The following OTUD7A variants were observed in gnomAD, a reference collection of about 807,000 sequenced individuals.
OTUD7A encodes the protein OTU deubiquitinase 7A.
In OTUD7A, 12 loss-of-function variants were observed where a neutral mutation model predicts 65.7. That is an observed-to-expected ratio of 0.18 (90% CI 0.12 to 0.30). The LOEUF is 0.30. OTUD7A is among the 10% of genes least tolerant of loss of function. OTUD7A has a pLI of 1.00. For missense variants in OTUD7A, 1,148 were observed against 1,304.8 expected (o/e 0.88, Z 1.85); for synonymous variants, 641 against 586.3 (o/e 1.09, Z -1.35).
At chr15:31,819,624 G>GT (rs1228198638) in intron 1 of OTUD7A, among the ~76,000 whole-genome samples, 1 of 151,760 alleles carries the variant, frequency 6.6e-6, no homozygotes. Context: ...TGTGTAGTCT[G>GT]TTTTTTTCTA....
At chr15:31,726,480 A>AGAAAGGAAGGAAGGAT (rs1302836583) in intron 1 of OTUD7A, among the ~76,000 whole-genome samples, 1 of 152,218 alleles carries the variant, frequency 6.6e-6, no homozygotes, top group Admixed American at 6.5e-5. Flanking sequence ...GAAGGAAGGA[A>AGAAAGGAAGGAAGGAT]AAAAGGAAAG....
At chr15:31,537,632 C>A (rs745771094) in intron 5 of OTUD7A, among the ~76,000 whole-genome samples, 1 of 152,202 alleles carries the variant, frequency 6.6e-6, no homozygotes, top group Non-Finnish European at 1.5e-5. Context: ...GTGTTTATAA[C>A]AACCAGGCTG....
intron 12 of OTUD7A, among the ~76,000 whole-genome samples, chr15:31,485,849 C>T (rs2041229244): frequency 6.6e-6 from 1 of 152,210 alleles, no homozygotes; most frequent in Non-Finnish European, 1.5e-5. Flanking sequence ...CGGTGACTCT[C>T]CTGTGACCAG....
rs6493689 is a variant in OTUD7A, at chr15:31,480,709, C to G, written c.*2585G>C. ...GACTAGCACATTTAATATGACCATC[C>G]GCTCTCTCCCTTTTGCATTTTTAAT... On this transcript the variant is annotated 3_prime_UTR_variant, in exon 13 of 13. Coordinates refer to ENST00000307050, the MANE Select transcript of OTUD7A (RefSeq NM_001382637.1). 57,239 of 152,202 alleles carry G rather than the reference C, an allele frequency of 0.38. 11,356 individuals are homozygous for G. The highest frequency in any genetic ancestry group is 0.51 in the African/African-American group (21,152 of 41,516). 9.4% of individuals were successfully genotyped at this position (152,202 alleles called of 1,614,324 possible). A position where few individuals can be genotyped will look rare whatever the true frequency, so the allele number is the denominator to read the frequency against.
At chr15:31,676,945 T>C (rs60585254) in intron 1 of OTUD7A, among the ~76,000 whole-genome samples, 3,145 of 152,346 alleles carry the variant, frequency 0.021, 133 homozygotes, top group African/African-American at 0.071. Context: ...ATTTATGACC[T>C]TGCGGTAATA....
At chr15:31,726,936 A>G (rs1019349099) in intron 1 of OTUD7A, among the ~76,000 whole-genome samples, 26 of 152,226 alleles carry the variant, frequency 1.7e-4, no homozygotes, top group Non-Finnish European at 2.6e-4. Flanking sequence ...ACTATGTCCT[A>G]TTACGATACA....
Position 31,486,152 on chromosome 15 carries a change from A to G in OTUD7A, c.1371+1042T>C, listed in dbSNP as rs1021684810. Among the ~76,000 whole-genome samples the G allele has an allele frequency of 1.4e-4, 22 of 152,138 alleles. 1 individual carries two copies. The South Asian group carries it at 2.9e-3, about 20-fold the overall frequency. ...AGGCCTGGCAATTGCAGGCAGAGCT[A>G]TTCTCAGCCCGAGAGCCTCCTGATT... On this transcript the variant is annotated intron_variant, in intron 12 of 12. Transcript: ENST00000307050.
At chr15:31,517,522 C>A (rs752084047) in intron 8 of OTUD7A, among the ~76,000 whole-genome samples, 5 of 152,196 alleles carry the variant, frequency 3.3e-5, no homozygotes, top group Middle Eastern at 3.2e-3. Context: ...GCTTAAAAAT[C>A]AGTGCTTACT....
At position 31,592,879 on chromosome 15, in the gene OTUD7A, C is replaced by CAAAAA. The variant is rs1170532149; in HGVS notation, c.152-22687_152-22683dup. 4.5e-3 allele frequency among the ~76,000 whole-genome samples: 38 copies of CAAAAA among 8,530 alleles called. 10 individuals carry two copies. The highest frequency in any genetic ancestry group is 5.7e-3 in the Non-Finnish European group (34 of 5,954). The allele number at this position is 8,530 out of a possible 152,430, so 5.6% of individuals were successfully genotyped here. ...TGGGTGACAGAGCAAGGCTCTGTCT[C>CAAAAA]AAAAAAAAAAAAAAAAAAAAAAAAA... On this transcript the variant is annotated intron_variant, in intron 3 of 12. Coordinates refer to ENST00000307050, the MANE Select transcript of OTUD7A (RefSeq NM_001382637.1).
chr15:31,742,210 G>T (rs986719759), intron 1 of OTUD7A, among the ~76,000 whole-genome samples: 23 of 151,920 alleles, frequency 1.5e-4, no homozygotes, highest in African/African-American at 5.6e-4. Flanking sequence ...TATGAGACTA[G>T]CACATAATCT....
chr15:31,865,442 A>C (rs1363781120), intron 1 of OTUD7A, among the ~76,000 whole-genome samples: 1 of 152,212 alleles, frequency 6.6e-6, no homozygotes, highest in Non-Finnish European at 1.5e-5. Flanking sequence ...GCTGAGTCCC[A>C]GGACACTGTG....
chr15:31,757,515 G>A (rs1314506327), intron 1 of OTUD7A, among the ~76,000 whole-genome samples: 2 of 151,916 alleles, frequency 1.3e-5, no homozygotes, highest in African/African-American at 4.8e-5. Context: ...AATAACCCCA[G>A]AAATACATAA....
chr15:31,832,547 CA>C (rs1396856588), intron 1 of OTUD7A, among the ~76,000 whole-genome samples: 8 of 152,204 alleles, frequency 5.3e-5, no homozygotes, highest in African/African-American at 1.9e-4. Context: ...CAACCATCAA[CA>C]GAACTGTTTT....
chr15:31,833,608 T>C (rs568272683), intron 1 of OTUD7A, among the ~76,000 whole-genome samples: 73 of 152,372 alleles, frequency 4.8e-4, no homozygotes, highest in Non-Finnish European at 9.3e-4. Context: ...TTAGCAAATA[T>C]GTATTTATGC....
intron 3 of OTUD7A, among the ~76,000 whole-genome samples, chr15:31,598,964 C>T (rs1390520725): frequency 2.0e-5 from 3 of 152,138 alleles, no homozygotes; most frequent in African/African-American, 7.2e-5. Flanking sequence ...GACTCCTCCT[C>T]TCTGGGCAGG....
At chr15:31,607,897 C>A (rs1890282605) in intron 3 of OTUD7A, among the ~76,000 whole-genome samples, 1 of 152,162 alleles carries the variant, frequency 6.6e-6, no homozygotes, top group African/African-American at 2.4e-5. Flanking sequence ...GAATGTATCT[C>A]ATCATTAAGT....
At chr15:31,507,945 C>T (rs894457059) in intron 8 of OTUD7A, among the ~76,000 whole-genome samples, 6 of 152,116 alleles carry the variant, frequency 3.9e-5, no homozygotes, top group African/African-American at 1.4e-4. Flanking sequence ...GTGATTATAA[C>T]AATAAGTGTT....
At chr15:31,627,625 C>T (rs1310240777) in intron 3 of OTUD7A, among the ~76,000 whole-genome samples, 2 of 152,260 alleles carry the variant, frequency 1.3e-5, no homozygotes, top group South Asian at 2.1e-4. Context: ...ATGGCTGGGT[C>T]AAATGATATT....
rs114902357 is a variant in OTUD7A at position 31,744,203 on chromosome 15, T to C, written c.-99-87126A>G. ...TATCAAATATTTAAGGAAGAAATAA[T>C]AGTAATTTTATACAACTTTAAGAAG... On this transcript the variant is annotated intron_variant, in intron 1 of 12. Coordinates refer to ENST00000307050, the MANE Select transcript of OTUD7A (RefSeq NM_001382637.1). 8.2e-3 allele frequency among the ~76,000 whole-genome samples: 1,250 copies of C among 152,258 alleles called. 17 individuals carry two copies. The highest frequency in any genetic ancestry group is 0.029 in the African/African-American group (1,193 of 41,568).
Sources: allele counts gnomAD v4.1 joint callset (sites outside exome capture counted in the v4.1 genomes callset), GRCh38; gene constraint gnomAD v4.1.1; transcripts MANE v1.5; gene names NCBI Gene and HGNC (gene_info 2026-07-23, HGNC 2026-07-21).